Variants in PLK4 observed in about 807,000 individuals in gnomAD.
PLK4 encodes the protein serine/threonine-protein kinase PLK4.
In PLK4, 51 loss-of-function variants were observed where a neutral mutation model predicts 103.0. That is an observed-to-expected ratio of 0.50 (90% confidence interval 0.40 to 0.63). The LOEUF is 0.63. Ranked by LOEUF, PLK4 falls within the 20% of genes least tolerant of loss-of-function variation. The pLI is 0.00. For synonymous variants in PLK4, 389 were observed against 376.8 expected (o/e 1.03, Z -0.38); for missense variants, 1,054 against 1,151.0 (o/e 0.92, Z 1.22).
Position 127,898,853 on chromosome 4 carries a change from T to C in PLK4, c.*312T>C. 1 of 190,254 alleles carries C rather than the reference T, an allele frequency of 5.3e-6. No individual in the cohort carries two copies. Among genetic ancestry groups the C allele is most frequent in the Non-Finnish European group, 1.1e-5 (1 of 93,242 alleles). 11.8% of individuals were successfully genotyped at this position (190,254 alleles called of 1,614,324 possible). On this transcript the variant is annotated 3_prime_UTR_variant, in exon 16 of 16. Transcript: ENST00000270861. ...ATGTAAATGATGTGTAGTTTATTTG[T>C]GCTTTTATTGTTTTCCCTGCGTCTC...
rs753681888 is a variant in PLK4 at position 127,893,257 on chromosome 4, G to T, written c.2189-28G>T. 8.6e-6 allele frequency: 12 copies of T among 1,392,832 alleles called. No homozygotes were observed. The Admixed American group carries it at 2.6e-4, about 30-fold the overall frequency. 86.3% of individuals were successfully genotyped at this position (1,392,832 alleles called of 1,614,324 possible). ...AGGAATATTTTTAAAAAGGATAAGA[G>T]AACAGTTTTCTGATTTTTTTTTTTT... On this transcript the variant is annotated intron_variant, in intron 10 of 15. Coordinates refer to ENST00000270861, the MANE Select transcript of PLK4 (RefSeq NM_014264.5).
rs75838189 is a variant in PLK4 at position 127,891,520 on chromosome 4, A to C, written c.1936-59A>C. On this transcript the variant is annotated intron_variant, in intron 8 of 15. Coordinates refer to ENST00000270861, the MANE Select transcript of PLK4 (RefSeq NM_014264.5). The stretch of plus-strand genomic sequence containing the variant: ...TAAACACTTTGTATACGTTTTAGCA[A>C]GATATAGTACTGGAACTTAATGGCA... 1,708 of 628,804 alleles carry C rather than the reference A, an allele frequency of 2.7e-3. 23 individuals carry two copies. In the African/African-American group the frequency reaches 0.028, roughly 10 times the overall value. 39.0% of individuals were successfully genotyped at this position (628,804 alleles called of 1,614,324 possible). A position where few individuals can be genotyped will look rare whatever the true frequency, so the allele number is the denominator to read the frequency against.
chr4:127,892,350 A>AT lies in PLK4; in HGVS notation c.2039-7dup, dbSNP rs753429702. The AT allele has an allele frequency of 4.9e-5, 74 of 1,523,558 alleles. No individual in the cohort carries two copies. Among genetic ancestry groups the AT allele is most frequent in the Non-Finnish European group, 5.7e-5 (64 of 1,124,242 alleles). The allele number at this position is 1,523,558 out of a possible 1,614,324, so 94.4% of individuals were successfully genotyped here. A position where few individuals can be genotyped will look rare whatever the true frequency, so the allele number is the denominator to read the frequency against. Reference sequence around the variant, plus strand: ...AACACTTTCTTCCCTAATGTTAAGTATTTTTTTTCCTTAGAAAAATACTGG... The same window carrying AT: ...AACACTTTCTTCCCTAATGTTAAGTATTTTTTTTTCCTTAGAAAAATACTGG... On this transcript the variant is annotated splice_polypyrimidine_tract_variant and intron_variant, in intron 9 of 15. Transcript: ENST00000270861.
At chr4:127,886,805 G>T in intron 5 of PLK4, 77 bp downstream of exon 5, 1 of 826,058 alleles carries the variant, frequency 1.2e-6, no homozygotes, top group Non-Finnish European at 1.8e-6. Context: ...GCATGTAAGC[G>T]GGGGGATACC....
At chr4:127,894,836 A>T in intron 13 of PLK4, 117 bp from the exon 14 acceptor site, 3 of 620,654 alleles carry the variant, frequency 4.8e-6, no homozygotes, top group Non-Finnish European at 7.5e-6. Flanking sequence ...TTCGTTAAAA[A>T]ATGTTTGTTT....
In PLK4 at chr4:127,891,096, G is replaced by A; in HGVS notation, c.1835G>A (p.Ser612Asn). ...IRQKTKKAVVSILDSEEVCVE... is the reference protein window; with the variant it reads ...IRQKTKKAVVNILDSEEVCVE... ...TTGGGTTTTTTTTTTTTTTAGGTGA[G>A]CATACTTGATTCAGAGGAGGTGTGT... Residue 612 changes from serine to asparagine, a missense_variant, in exon 8 of 16, where the codon AGC (serine) becomes AAC (asparagine). Physicochemically the swap from Ser to Asn is conservative, Grantham distance 46. Coordinates refer to ENST00000270861, the MANE Select transcript of PLK4 (RefSeq NM_014264.5). 3 of 1,517,870 alleles carry A rather than the reference G, an allele frequency of 2.0e-6. No homozygotes were observed. The highest frequency in any genetic ancestry group is 2.7e-6 in the Non-Finnish European group (3 of 1,114,922). The allele number at this position is 1,517,870 out of a possible 1,614,324, so 94.0% of individuals were successfully genotyped here.
intron 6 of PLK4, among the ~76,000 whole-genome samples, chr4:127,889,213 T>C (rs1735259175): frequency 6.6e-6 from 1 of 152,176 alleles, no homozygotes; most frequent in Non-Finnish European, 1.5e-5. Context: ...ATTGAAAAAT[T>C]GCCTTACCAA....
chr4:127,881,499 G>A (rs1734925359), intron 1 of PLK4: 1 of 924,646 alleles, frequency 1.1e-6, no homozygotes, highest in African/African-American at 1.7e-5. Flanking sequence ...GGTTATCTCC[G>A]GCGGGAGCTG....
At chr4:127,896,225 T>C (rs1198711916) in intron 14 of PLK4, among the ~76,000 whole-genome samples, 3 of 152,206 alleles carry the variant, frequency 2.0e-5, no homozygotes, top group Non-Finnish European at 4.4e-5. Context: ...AATCCTACAC[T>C]GTACTCTTAA....
At chr4:127,895,574 G>A (rs1735536603) in intron 14 of PLK4, among the ~76,000 whole-genome samples, 2 of 143,600 alleles carry the variant, frequency 1.4e-5, no homozygotes, top group Non-Finnish European at 3.0e-5. Flanking sequence ...GGCGCCCACT[G>A]CCAAGCCGGG....
intron 10 of PLK4, among the ~76,000 whole-genome samples, chr4:127,892,888 TA>T (rs1735416680): frequency 6.6e-6 from 1 of 152,096 alleles, no homozygotes; most frequent in African/African-American, 2.4e-5. Flanking sequence ...GGGTTGAGTC[TA>T]AATCTATTCT....
At chr4:127,887,256 A>C in intron 5 of PLK4, 140 bp from the exon 6 acceptor site, 1 of 590,628 alleles carries the variant, frequency 1.7e-6, no homozygotes. Context: ...TAGCATAGTT[A>C]TGCCAATATT....
At chr4:127,884,088 A>G (rs1311577638) in intron 4 of PLK4, among the ~76,000 whole-genome samples, 1 of 152,218 alleles carries the variant, frequency 6.6e-6, no homozygotes, top group African/African-American at 2.4e-5. Flanking sequence ...GAAATATTTC[A>G]AAGTATAGAC....
Position 127,882,724 on chromosome 4 carries a change from C to T in PLK4, c.127-538C>T, listed in dbSNP as rs546718994. ...GGTGAGCTGAGATCGCGCCATTGCACTCCAGCCCAGGCAACAAGAGCTAAA... is the reference window on the plus strand; with the variant it reads ...GGTGAGCTGAGATCGCGCCATTGCATTCCAGCCCAGGCAACAAGAGCTAAA... On this transcript the variant is annotated intron_variant, in intron 2 of 15. Coordinates refer to ENST00000270861, the MANE Select transcript of PLK4 (RefSeq NM_014264.5). Among the ~76,000 whole-genome samples the T allele has an allele frequency of 7.2e-5, 11 of 152,136 alleles. No homozygotes were observed. The South Asian group carries it at 2.1e-3, about 29-fold the overall frequency.
At position 127,881,112 on chromosome 4, in the gene PLK4, A is replaced by G. The variant is rs368851805; in HGVS notation, c.-23A>G. ...CTGCGTGAAGGAAGCTAATCCGGAG[A>G]ACCCAGGCCAGAGCCTGGAAATATG... On this transcript the variant is annotated 5_prime_UTR_variant, in exon 1 of 16. Coordinates refer to ENST00000270861, the MANE Select transcript of PLK4 (RefSeq NM_014264.5). 3.1e-4 allele frequency: 498 copies of G among 1,613,540 alleles called. 1 individual carries two copies. The highest frequency in any genetic ancestry group is 3.1e-4 in the Non-Finnish European group (364 of 1,179,738).
chr4:127,895,709 C>G (rs1286493170), intron 14 of PLK4, among the ~76,000 whole-genome samples: 1 of 152,008 alleles, frequency 6.6e-6, no homozygotes, highest in East Asian at 1.9e-4. Context: ...GCGTGAGCCA[C>G]TGCCCCCGGC....
chr4:127,881,774 C>G, intron 1 of PLK4, 57 bp from the exon 2 acceptor site: 1 of 1,028,584 alleles, frequency 9.7e-7, no homozygotes, highest in Admixed American at 1.8e-5. Flanking sequence ...CCAGCCCCTT[C>G]CCATCTTCCT....
In PLK4 at chr4:127,893,270, A is replaced by AT. The variant is rs57995643; in HGVS notation, c.2189-3dup. ...AAAAGGATAAGAGAACAGTTTTCTG[A>AT]TTTTTTTTTTTTAGGGGTAAAAATA... On this transcript the variant is annotated splice_polypyrimidine_tract_variant and intron_variant, in intron 10 of 15. Transcript: ENST00000270861. The AT allele has an allele frequency of 0.089, 94,181 of 1,062,676 alleles. 88 individuals carry two copies. Among genetic ancestry groups the AT allele is most frequent in the African/African-American group, 0.1 (6,154 of 61,272 alleles). 65.8% of individuals were successfully genotyped at this position (1,062,676 alleles called of 1,614,324 possible). A position where few individuals can be genotyped will look rare whatever the true frequency, so the allele number is the denominator to read the frequency against.
chr4:127,883,099 C>T (rs996755294), intron 2 of PLK4, among the ~76,000 whole-genome samples, 163 bp from the exon 3 acceptor site: 1 of 152,080 alleles, frequency 6.6e-6, no homozygotes, highest in Admixed American at 6.6e-5. Flanking sequence ...CCCTCTCTGC[C>T]GAGCACTCTG....
Sources: allele counts gnomAD v4.1 joint callset (sites outside exome capture counted in the v4.1 genomes callset), GRCh38; gene constraint gnomAD v4.1.1; transcripts MANE v1.5; gene names NCBI Gene and HGNC (gene_info 2026-07-23, HGNC 2026-07-21).